The following LRBA variants were observed in gnomAD, a reference collection of about 807,000 sequenced individuals.
The protein encoded by LRBA is lipopolysaccharide-responsive and beige-like anchor protein.
A neutral mutation model predicts 330.0 loss-of-function variants in LRBA; 176 were observed. The observed-to-expected ratio is 0.53, with a 90% CI of 0.47 to 0.60. LRBA has a LOEUF of 0.60. Ranked by LOEUF, LRBA falls within the 20% of genes least tolerant of loss-of-function variation. The probability of loss-of-function intolerance (pLI) is 0.00; values close to 1 mark genes in which losing one functional copy is unlikely to be tolerated. For missense variants in LRBA, 3,259 were observed against 3,444.8 expected, an observed-to-expected ratio of 0.95 and a Z score of 1.35; for synonymous variants, 1,230 against 1,193.0, an observed-to-expected ratio of 1.03 and a Z score of -0.64.
At chr4:150,316,558 A>C (rs1284568498) in intron 50 of LRBA, among the ~76,000 whole-genome samples, 1 of 151,964 alleles carries the variant, frequency 6.6e-6, no homozygotes, top group African/African-American at 2.4e-5. Flanking sequence ...TTTCCAAACT[A>C]TTTTCCCCAA....
chr4:150,664,961 G>A (rs1195351082), intron 37 of LRBA, among the ~76,000 whole-genome samples: 2 of 152,148 alleles, frequency 1.3e-5, no homozygotes, highest in Non-Finnish European at 2.9e-5. Context: ...GATACCATCA[G>A]ATTCAATTAT....
intron 2 of LRBA, among the ~76,000 whole-genome samples, chr4:151,009,443 G>A (rs1744543762): frequency 6.6e-6 from 1 of 150,682 alleles, no homozygotes; most frequent in South Asian, 2.1e-4. Context: ...CAGCTACTCA[G>A]GAGGCTGAGG....
At chr4:150,589,072 C>CAGAG (rs368551241) in intron 39 of LRBA, among the ~76,000 whole-genome samples, 2,632 of 148,790 alleles carry the variant, frequency 0.018, 78 homozygotes, top group African/African-American at 0.062. Flanking sequence ...CACACACACA[C>CAGAG]AGAGAGAGAG....
chr4:150,558,459 G>C (rs1015405163), intron 40 of LRBA, among the ~76,000 whole-genome samples: 4 of 152,060 alleles, frequency 2.6e-5, no homozygotes, highest in Admixed American at 2.0e-4. Context: ...TTTGACTATT[G>C]AGAGCTCTTT....
chr4:151,011,909 CTT>C (rs1744894682), intron 2 of LRBA, among the ~76,000 whole-genome samples: 1 of 151,820 alleles, frequency 6.6e-6, no homozygotes, highest in African/African-American at 2.4e-5. Context: ...GTCTCAAACT[CTT>C]GGCCTCAAGT....
intron 47 of LRBA, among the ~76,000 whole-genome samples, chr4:150,398,224 G>A (rs185884487): frequency 6.6e-6 from 1 of 152,108 alleles, no homozygotes; most frequent in African/African-American, 2.4e-5. Flanking sequence ...ATTTTACTTA[G>A]AAAAAACAAT....
chr4:150,361,002 C>T (rs1190147439), intron 47 of LRBA, among the ~76,000 whole-genome samples: 1 of 152,178 alleles, frequency 6.6e-6, no homozygotes, highest in East Asian at 1.9e-4. Context: ...GGCTACTCAG[C>T]TCTATCAGTT....
At chr4:150,497,623 A>G (rs1029684596) in intron 40 of LRBA, among the ~76,000 whole-genome samples, 1 of 152,198 alleles carries the variant, frequency 6.6e-6, no homozygotes, top group Non-Finnish European at 1.5e-5. Context: ...AAATTCAATT[A>G]AACATATTCA....
chr4:150,802,976 C>G (rs1369534923), intron 33 of LRBA, among the ~76,000 whole-genome samples: 1 of 146,080 alleles, frequency 6.8e-6, no homozygotes, highest in Non-Finnish European at 1.5e-5. Flanking sequence ...GAGCCAAGAT[C>G]GCACCACTGC....
chr4:150,897,534 A>G (rs2127120565), intron 15 of LRBA, among the ~76,000 whole-genome samples: 1 of 152,210 alleles, frequency 6.6e-6, no homozygotes, highest in East Asian at 1.9e-4. Flanking sequence ...CATAAAATAC[A>G]ACTACCAATC....
rs1273870457 is a variant in LRBA at position 150,683,467 on chromosome 4, G to T, written c.5921+84C>A. 9.7e-6 allele frequency: 10 copies of T among 1,035,144 alleles called. No individual in the cohort carries two copies. The Admixed American group carries it at 1.2e-4, about 13-fold the overall frequency. 64.1% of individuals were successfully genotyped at this position (1,035,144 alleles called of 1,614,324 possible). Reference sequence around the variant, plus strand: ...ATTAAATTACTCTCTTCTTCATCTGGCTTTGATCATATCCAAAGTCATTTA... The same window carrying T: ...ATTAAATTACTCTCTTCTTCATCTGTCTTTGATCATATCCAAAGTCATTTA... On this transcript the variant is annotated intron_variant, in intron 37 of 56. Transcript: ENST00000651943.
intron 36 of LRBA, among the ~76,000 whole-genome samples, chr4:150,692,610 T>TA (rs1784240313): frequency 6.6e-6 from 1 of 152,022 alleles, no homozygotes; most frequent in South Asian, 2.1e-4. Context: ...AGCAAATAGG[T>TA]AAATACCTTC....
At chr4:150,718,020 C>T (rs1301436263) in intron 36 of LRBA, among the ~76,000 whole-genome samples, 1 of 152,028 alleles carries the variant, frequency 6.6e-6, no homozygotes, top group Non-Finnish European at 1.5e-5. Context: ...AAAATGATTG[C>T]CAGGAAACTT....
chr4:150,583,867 T>C lies in LRBA; in HGVS notation c.6330+4181A>G. On this transcript the variant is annotated intron_variant, in intron 40 of 56. Coordinates refer to ENST00000651943, the MANE Select transcript of LRBA (RefSeq NM_001364905.1). The surrounding 1 kb of genome is among the most constrained non-coding windows in gnomAD (Gnocchi z 9.8). Reference sequence around the variant, plus strand: ...CTACCACATGAAGACGCTGCTGCTGTACGAGTGCGAGAAACACCCACGAGA... The same window carrying C: ...CTACCACATGAAGACGCTGCTGCTGCACGAGTGCGAGAAACACCCACGAGA... 3 of 1,614,012 alleles carry C rather than the reference T, an allele frequency of 1.9e-6. No individual in the cohort carries two copies. The highest frequency in any genetic ancestry group is 2.5e-6 in the Non-Finnish European group (3 of 1,179,972).
chr4:150,732,493 C>A (rs1730584056), intron 36 of LRBA, among the ~76,000 whole-genome samples: 1 of 151,988 alleles, frequency 6.6e-6, no homozygotes, highest in Non-Finnish European at 1.5e-5. Context: ...TGTCTCTCAA[C>A]CGAAGAACGG....
At chr4:150,435,426 A>T (rs573486298) in intron 46 of LRBA, among the ~76,000 whole-genome samples, 163 bp downstream of exon 46, 12 of 152,220 alleles carry the variant, frequency 7.9e-5, no homozygotes, top group Middle Eastern at 3.4e-3. Flanking sequence ...AGAGATAGAG[A>T]CAGAGAGAGA....
intron 38 of LRBA, among the ~76,000 whole-genome samples, chr4:150,596,476 C>A: frequency 6.6e-6 from 1 of 151,712 alleles, no homozygotes; most frequent in Admixed American, 6.6e-5. Context: ...AATGTCCTAT[C>A]TCCTTAGTTA....
In LRBA at chr4:150,657,555, T is replaced by C. The variant is rs377030144; in HGVS notation, c.5921+25996A>G. Among the ~76,000 whole-genome samples, 8 of 152,122 alleles carry C rather than the reference T, an allele frequency of 5.3e-5. No individual in the cohort carries two copies. In the South Asian group the frequency reaches 8.3e-4, roughly 16 times the overall value. ...TTATCCTTTCAAAATTTCTGAGATG[T>C]GGAAGCATTTACCATTGTATTTATA... On this transcript the variant is annotated intron_variant, in intron 37 of 56. Transcript: ENST00000651943.
At chr4:150,574,627 T>C (rs1301042307) in intron 40 of LRBA, among the ~76,000 whole-genome samples, 2 of 152,102 alleles carry the variant, frequency 1.3e-5, no homozygotes, top group African/African-American at 4.8e-5. Context: ...CCAGGTATTC[T>C]GGATAGCAAC....
Sources: gnomAD v4.1 joint callset for allele counts (sites outside exome capture counted in the v4.1 genomes callset) on GRCh38, gnomAD v4.1.1 for gene constraint, Gnocchi (gnomAD v3.1) non-coding constraint, MANE v1.5 for transcripts, NCBI Gene and HGNC (gene_info 2026-07-23, HGNC 2026-07-21) for gene names.